DCUN1D1: variants seen among roughly 807,000 people sequenced by gnomAD.
DCUN1D1 encodes defective in cullin neddylation 1 domain containing 1.
Under a neutral mutation model 39.0 loss-of-function variants are expected in DCUN1D1, and 3 were observed. The ratio of observed to expected loss-of-function variants is 0.08; its 90% CI spans 0.04 to 0.20. The LOEUF (loss-of-function observed/expected upper bound fraction) is 0.20. Among genes scored for constraint, DCUN1D1 ranks in the 10% least tolerant of loss-of-function variants. DCUN1D1 has a pLI of 1.00. For synonymous variants in DCUN1D1, 82 were observed against 96.3 expected (o/e 0.85, Z 0.87); for missense variants, 158 against 302.4 (o/e 0.52, Z 3.54).
chr3:182,968,851 C>CA (rs1440297110), intron 1 of DCUN1D1, among the ~76,000 whole-genome samples: 1 of 152,202 alleles, frequency 6.6e-6, no homozygotes, highest in Non-Finnish European at 1.5e-5. Context: ...CCAACCGCCT[C>CA]AGCCTCCCAA....
rs575973636 is a variant in DCUN1D1 at position 182,971,566 on chromosome 3, G to A, written c.4-5813C>T. On this transcript the variant is annotated intron_variant, in intron 1 of 6. Transcript: ENST00000292782. ...CCAGCCTGGACAAGAGAAGGCATGC[G>A]ACCCTATCTTAAAAAAAAAAACAAA... Among the ~76,000 whole-genome samples the A allele has an allele frequency of 1.8e-3, 258 of 145,712 alleles. 1 individual carries two copies. The highest frequency in any genetic ancestry group is 2.7e-3 in the Non-Finnish European group (182 of 66,926).
intron 4 of DCUN1D1, among the ~76,000 whole-genome samples, chr3:182,951,497 T>C (rs1394507339): frequency 6.6e-6 from 1 of 150,902 alleles, no homozygotes; most frequent in Non-Finnish European, 1.5e-5. Flanking sequence ...ATGCCTGTAG[T>C]CCCAGCTACT....
chr3:182,945,978 C>T (rs539337269), intron 6 of DCUN1D1, among the ~76,000 whole-genome samples: 2 of 152,092 alleles, frequency 1.3e-5, no homozygotes, highest in East Asian at 3.9e-4. Context: ...CCCTGATTAG[C>T]CTTAATGATT....
intron 4 of DCUN1D1, among the ~76,000 whole-genome samples, chr3:182,951,645 A>T (rs1216697949): frequency 1.5e-5 from 2 of 133,406 alleles, no homozygotes; most frequent in Admixed American, 1.5e-4. Flanking sequence ...AAAAAAAAAA[A>T]ACCACCACAC....
At chr3:182,964,697 G>A (rs930640686) in intron 2 of DCUN1D1, among the ~76,000 whole-genome samples, 5 of 139,334 alleles carry the variant, frequency 3.6e-5, no homozygotes, top group Non-Finnish European at 7.5e-5. Context: ...CTGGAGTGCA[G>A]TGGCATGATC....
At chr3:182,981,029 T>C (rs1381104333), upstream of DCUN1D1, 1 of 152,258 alleles carries the variant, frequency 6.6e-6, no homozygotes, top group African/African-American at 2.4e-5. Flanking sequence ...CACCTCCCCC[T>C]GCCCCGTGTT....
intron 4 of DCUN1D1, among the ~76,000 whole-genome samples, chr3:182,958,394 T>C (rs1274295892): frequency 6.6e-6 from 1 of 152,206 alleles, no homozygotes; most frequent in African/African-American, 2.4e-5. Flanking sequence ...TTTAGTGTGG[T>C]ATATTTTTTA....
chr3:182,953,372 G>C (rs1383699142), intron 4 of DCUN1D1, among the ~76,000 whole-genome samples: 13 of 152,192 alleles, frequency 8.5e-5, no homozygotes, highest in African/African-American at 2.9e-4. Flanking sequence ...GAAGCCCTCA[G>C]AAAGAAATTT....
chr3:182,985,218 G>C (rs147426897), upstream of DCUN1D1, among the ~76,000 whole-genome samples: 112 of 152,300 alleles, frequency 7.4e-4, no homozygotes, highest in African/African-American at 2.5e-3. Context: ...CGGTTCCAAA[G>C]CTCATACCAA....
chr3:182,963,424 C>A (rs990520508), intron 3 of DCUN1D1, among the ~76,000 whole-genome samples: 2 of 152,182 alleles, frequency 1.3e-5, no homozygotes, highest in African/African-American at 4.8e-5. Flanking sequence ...CAGGTAAAAC[C>A]TCTACCCATG....
chr3:182,965,787 G>A, intron 1 of DCUN1D1, 34 bp from the exon 2 acceptor site: 1 of 1,436,086 alleles, frequency 7.0e-7, no homozygotes, highest in South Asian at 1.2e-5. Flanking sequence ...GAAACTCTAT[G>A]TAAAATCACA....
At chr3:182,959,501 C>CAAAAAAAAAAAA (rs11373344) in intron 4 of DCUN1D1, among the ~76,000 whole-genome samples, 2 of 81,162 alleles carry the variant, frequency 2.5e-5, no homozygotes, top group South Asian at 5.9e-4. Flanking sequence ...CTTCAAAAAC[C>CAAAAAAAAAAAA]AAAAAAAAAA....
At chr3:182,977,659 C>T (rs960372122) in intron 1 of DCUN1D1, among the ~76,000 whole-genome samples, 1 of 151,942 alleles carries the variant, frequency 6.6e-6, no homozygotes, top group African/African-American at 2.4e-5. Flanking sequence ...TGGTCTCAAA[C>T]TCTTGACCTT....
At chr3:182,969,221 A>C (rs1379733592) in intron 1 of DCUN1D1, among the ~76,000 whole-genome samples, 1 of 152,246 alleles carries the variant, frequency 6.6e-6, no homozygotes, top group Non-Finnish European at 1.5e-5. Context: ...CTCAAAGGCT[A>C]TCCTAGAATA....
chr3:182,947,232 C>T lies in DCUN1D1; in HGVS notation c.700+6G>A, dbSNP rs2108623071. ...AAAAAAGTGGTGTGGCAAAAATTTT[C>T]ATTACCTTCTTCATCATAATTAGAC... On this transcript the variant is annotated splice_donor_region_variant and intron_variant, in intron 6 of 6. Transcript: ENST00000292782. The T allele has an allele frequency of 6.4e-7, 1 of 1,568,084 alleles. No individual in the cohort carries two copies. Among genetic ancestry groups the T allele is most frequent in the East Asian group, 2.3e-5 (1 of 43,706 alleles).
At chr3:182,980,586 C>G, upstream of DCUN1D1, 1 of 1,136,364 alleles carries the variant, frequency 8.8e-7, no homozygotes, top group Non-Finnish European at 1.1e-6. Context: ...GCCCGGCTCC[C>G]GCTCATGCGC....
intron 1 of DCUN1D1, among the ~76,000 whole-genome samples, chr3:182,978,399 T>C (rs1345936764): frequency 1.3e-5 from 2 of 152,212 alleles, no homozygotes; most frequent in East Asian, 3.8e-4. Context: ...TATTATTTTT[T>C]TTAAGAGACA....
intron 6 of DCUN1D1, among the ~76,000 whole-genome samples, chr3:182,946,022 G>A (rs73177372): frequency 0.028 from 4,326 of 152,150 alleles, 95 homozygotes; most frequent in Non-Finnish European, 0.045. Flanking sequence ...AGGACACCGA[G>A]ATCACAGGGG....
At position 182,972,113 on chromosome 3, in the gene DCUN1D1, T is replaced by G. The variant is rs565570281; in HGVS notation, c.4-6360A>C. Among the ~76,000 whole-genome samples, 9 of 151,308 alleles carry G rather than the reference T, an allele frequency of 5.9e-5. No individual in the cohort carries two copies. In the East Asian group the frequency reaches 1.7e-3, roughly 29 times the overall value. ...GGAGAAAAGGAAGGGTATAAGTTAT[T>G]TTTAAGACAAGCAATACAACAGAAA... is the stretch of plus-strand genomic sequence containing the variant. On this transcript the variant is annotated intron_variant, in intron 1 of 6. Transcript: ENST00000292782.
Sources: allele counts gnomAD v4.1 joint callset (sites outside exome capture counted in the v4.1 genomes callset), GRCh38; gene constraint gnomAD v4.1.1; transcripts MANE v1.5; gene names NCBI Gene and HGNC (gene_info 2026-07-23, HGNC 2026-07-21).